LAMA5: variants seen among roughly 807,000 people sequenced by gnomAD.
LAMA5 encodes the protein laminin subunit alpha 5, also known as laminin subunit alpha-5.
A neutral mutation model predicts 433.4 loss-of-function variants in LAMA5; 260 were observed. The observed-to-expected ratio is 0.60, with a 90% confidence interval of 0.54 to 0.66. The LOEUF (loss-of-function observed/expected upper bound fraction) is 0.66, where lower values mean the gene tolerates loss of function less well. Among genes scored for constraint, LAMA5 ranks in the 30% least tolerant of loss-of-function variants. The pLI is 0.00. For synonymous variants in LAMA5, 2,620 were observed against 2,226.6 expected (o/e 1.18, Z -4.97); for missense variants, 5,378 against 5,258.5 (o/e 1.02, Z -0.70).
intron 1 of LAMA5, 137 bp from the exon 2 acceptor site, chr20:62,362,689 A>G: frequency 1.4e-6 from 1 of 698,760 alleles, no homozygotes; most frequent in Non-Finnish European, 2.1e-6. Context: ...CCCCTCATCC[A>G]CTTGCTCAGC....
intron 29 of LAMA5, 29 bp downstream of exon 29, chr20:62,331,003 C>G (rs1005212355): frequency 6.3e-7 from 1 of 1,580,698 alleles, no homozygotes; most frequent in African/African-American, 1.4e-5. Context: ...CTCGGCCGCG[C>G]CCCTCCCAGC....
intron 72 of LAMA5, 35 bp from the exon 73 acceptor site, chr20:62,311,342 AC>A: frequency 6.6e-7 from 1 of 1,524,216 alleles, no homozygotes; most frequent in Non-Finnish European, 8.8e-7. Context: ...GGGGCCGCCC[AC>A]ACAGGGGCCA....
chr20:62,346,189 C>T lies in LAMA5; in HGVS notation c.1309G>A (p.Asp437Asn). 6.2e-7 allele frequency: 1 copy of T among 1,612,448 alleles called. No homozygotes were observed. Residue 437 changes from aspartate to asparagine, a missense_variant, in exon 10 of 80, where the codon GAT (aspartate) becomes AAT (asparagine). By Grantham distance (23) the Asp-to-Asn change is conservative. Coordinates refer to ENST00000252999, the MANE Select transcript of LAMA5 (RefSeq NM_005560.6). ...CCCGTCAGGTCCTCGCAGGTGCCATCCGTGAAGTCGGACTCGCAGTTGCAG... is the reference window on the plus strand; with the variant it reads ...CCCGTCAGGTCCTCGCAGGTGCCATTCGTGAAGTCGGACTCGCAGTTGCAG... ...RRCNCESDFT[D>N]GTCEDLTGRC...
At chr20:62,353,874 G>A (rs956089432) in intron 2 of LAMA5, among the ~76,000 whole-genome samples, 6 of 152,160 alleles carry the variant, frequency 3.9e-5, no homozygotes, top group East Asian at 3.9e-4. Context: ...GGACTGGGCT[G>A]CAGGGAGCAA....
In LAMA5 at chr20:62,313,706, G is replaced by A; in HGVS notation, c.8601C>T (p.Leu2867=). 1 of 1,612,880 alleles carries A rather than the reference G, an allele frequency of 6.2e-7. No individual in the cohort carries two copies. Among genetic ancestry groups the A allele is most frequent in the Non-Finnish European group, 8.5e-7 (1 of 1,179,966 alleles). ...DTVAPGAEGL[L]NLRPDDFVFY... is the part of the protein sequence containing the mutation. The stretch of plus-strand genomic sequence containing the variant: ...AGACGAAGTCGTCTGGCCGCAGGTT[G>A]AGCAGCCCCTCTGCCCCAGGGGCCA... The change falls in exon 63 of 80, where the codon CTC becomes CTT. Residue 2867 remains leucine (L), a synonymous_variant. Transcript: ENST00000252999.
Position 62,324,283 on chromosome 20 carries a change from G to A in LAMA5, c.5644-79C>T, listed in dbSNP as rs1978866021. 2 of 1,535,718 alleles carry A rather than the reference G, an allele frequency of 1.3e-6. No homozygotes were observed. The highest frequency in any genetic ancestry group is 1.8e-6 in the Non-Finnish European group (2 of 1,138,848). ...AGTCTGTGCAGCTCCCACCACCCCT[G>A]CCTCAGACTCTGTGCCCAAGGCCAG... On this transcript the variant is annotated intron_variant, in intron 42 of 79. Coordinates refer to ENST00000252999, the MANE Select transcript of LAMA5 (RefSeq NM_005560.6). The surrounding 1 kb of genome is among the most constrained non-coding windows in gnomAD (Gnocchi z 4.4).
Position 62,332,353 on chromosome 20 carries a change from G to A in LAMA5, c.3552+19C>T, listed in dbSNP as rs1007932239. 13 of 1,542,066 alleles carry A rather than the reference G, an allele frequency of 8.4e-6. No individual in the cohort carries two copies. Among genetic ancestry groups the A allele is most frequent in the Non-Finnish European group, 1.2e-5 (13 of 1,115,700 alleles). ...GAAAGAAGCTGACCCCTTGGGGTGG[G>A]GACCTGAGGGGTCCTTACCAGGAAG... is the stretch of plus-strand genomic sequence containing the variant. On this transcript the variant is annotated intron_variant, in intron 28 of 79. Coordinates refer to ENST00000252999, the MANE Select transcript of LAMA5 (RefSeq NM_005560.6).
rs1197362711 is a variant in LAMA5, at chr20:62,313,136, C to T, written c.8907G>A (p.Glu2969=). The T allele has an allele frequency of 6.2e-7, 1 of 1,608,294 alleles. No individual in the cohort carries two copies. The highest frequency in any genetic ancestry group is 1.7e-4 in the Middle Eastern group (1 of 6,060). The part of the protein sequence containing the change: ...QISTTKRFEQ[E]LRLVSYSGVL... Reference sequence around the variant, plus strand: ...CCCCGCTGTAGGACACGAGCCGCAGCTCCTGCTCGAAGCGCTTGGTGGTGC... The same window carrying T: ...CCCCGCTGTAGGACACGAGCCGCAGTTCCTGCTCGAAGCGCTTGGTGGTGC... The change falls in exon 65 of 80, where the codon GAG becomes GAA. Residue 2969 remains glutamate (E), a synonymous_variant. Coordinates refer to ENST00000252999, the MANE Select transcript of LAMA5 (RefSeq NM_005560.6).
Position 62,320,737 on chromosome 20 carries a change from AC to A in LAMA5, c.6648+1del. On this transcript the variant is annotated splice_donor_variant, in intron 49 of 79. Coordinates refer to ENST00000252999, the MANE Select transcript of LAMA5 (RefSeq NM_005560.6). LOFTEE classifies it high-confidence loss of function. ...GGGAGGGAAGGCCAGGACGCTCAGT[AC>A]CTGCAGGTCAGCGATGGAGGCGTTC... is the stretch of plus-strand genomic sequence containing the variant. 5 of 1,612,568 alleles carry A rather than the reference AC, an allele frequency of 3.1e-6. No individual in the cohort carries two copies. Among genetic ancestry groups the A allele is most frequent in the Non-Finnish European group, 4.2e-6 (5 of 1,179,882 alleles).
chr20:62,336,672 G>C (rs561002907), intron 17 of LAMA5, 62 bp downstream of exon 17: 12 of 1,583,346 alleles, frequency 7.6e-6, no homozygotes, highest in African/African-American at 1.3e-5. Context: ...CACCGGACTC[G>C]GGACTTTTAG....
chr20:62,334,801 C>T (rs902393261), intron 20 of LAMA5, among the ~76,000 whole-genome samples, 180 bp from the exon 21 acceptor site: 1 of 92,068 alleles, frequency 1.1e-5, no homozygotes, highest in Non-Finnish European at 2.8e-5. Context: ...CTGTTAGTGC[C>T]GTCTGCCCAG....
At position 62,367,287 on chromosome 20, in the gene LAMA5, G is replaced by A. The variant is rs911952030; in HGVS notation, c.-42C>T. The A allele has an allele frequency of 7.9e-6, 9 of 1,136,410 alleles. No individual in the cohort carries two copies. Among genetic ancestry groups the A allele is most frequent in the Non-Finnish European group, 6.5e-6 (6 of 927,110 alleles). The allele number at this position is 1,136,410 out of a possible 1,614,324, so 70.4% of individuals were successfully genotyped here. Reference sequence around the variant, plus strand: ...CGCGTCCCCGAGCTCCAGGGACAGCGCGCGCGGCGGGAGCCCGGCGGGTCT... The same window carrying A: ...CGCGTCCCCGAGCTCCAGGGACAGCACGCGCGGCGGGAGCCCGGCGGGTCT... On this transcript the variant is annotated 5_prime_UTR_variant, in exon 1 of 80. Transcript: ENST00000252999.
chr20:62,339,227 GTTTCTT>G (rs1404036016), intron 11 of LAMA5, among the ~76,000 whole-genome samples: 11 of 125,520 alleles, frequency 8.8e-5, no homozygotes, highest in Admixed American at 7.8e-4. Context: ...ACAAATTATA[GTTTCTT>G]TTTTTTTTTT....
rs748356543 is a variant in LAMA5 at position 62,329,242 on chromosome 20, G to A, written c.4131C>T (p.Leu1377=). The A allele has an allele frequency of 1.2e-5, 19 of 1,611,482 alleles. No homozygotes were observed. Among genetic ancestry groups the A allele is most frequent in the African/African-American group, 2.7e-5 (2 of 74,890 alleles). Residue 1377 remains leucine, a synonymous_variant, in exon 33 of 80, where the codon CTC becomes CTT. Coordinates refer to ENST00000252999, the MANE Select transcript of LAMA5 (RefSeq NM_005560.6). The part of the protein sequence containing the change: ...KGRWLWLDYV[L]VVPENVYSFG... ...AGCTGTAGACGTTCTCAGGGACCAC[G>A]AGTACATAATCCTAGGGGGTGAGGC...
intron 2 of LAMA5, among the ~76,000 whole-genome samples, chr20:62,361,453 G>T (rs1986122481): frequency 6.6e-6 from 1 of 152,114 alleles, no homozygotes; most frequent in Admixed American, 6.5e-5. Context: ...GCTGCCAAAG[G>T]TGCCTGCCCC....
intron 28 of LAMA5, among the ~76,000 whole-genome samples, chr20:62,332,062 A>AG (rs570627492): frequency 5.1e-4 from 78 of 152,138 alleles, no homozygotes; most frequent in African/African-American, 1.8e-3. Context: ...AAAAAAAAAA[A>AG]AAAAGAAAAG....
intron 55 of LAMA5, 45 bp downstream of exon 55, chr20:62,317,300 C>T (rs1307401333): frequency 1.3e-6 from 2 of 1,533,126 alleles, no homozygotes; most frequent in Admixed American, 2.0e-5. Flanking sequence ...GCCCTGTCTG[C>T]ATCCCCAGGG....
At chr20:62,327,115 C>G in intron 38 of LAMA5, 118 bp downstream of exon 38, 1 of 1,166,188 alleles carries the variant, frequency 8.6e-7, no homozygotes, top group Non-Finnish European at 1.2e-6. Context: ...GCCTGGGCAC[C>G]CTCACGGACC....
At position 62,332,822 on chromosome 20, in the gene LAMA5, C is replaced by T; in HGVS notation, c.3283-105G>A. 37 of 1,403,372 alleles carry T rather than the reference C, an allele frequency of 2.6e-5. No homozygotes were observed. In the South Asian group the frequency reaches 2.7e-4, roughly 10 times the overall value. 86.9% of individuals were successfully genotyped at this position (1,403,372 alleles called of 1,614,324 possible). A position where few individuals can be genotyped will look rare whatever the true frequency, so the allele number is the denominator to read the frequency against. ...CTGACCCCAGGGCCTGCCCTTCAGC[C>T]GAGTCCCACCCTGGCCCGGACATCT... On this transcript the variant is annotated intron_variant, in intron 26 of 79. Coordinates refer to ENST00000252999, the MANE Select transcript of LAMA5 (RefSeq NM_005560.6).
Sources: allele counts gnomAD v4.1 joint callset (sites outside exome capture counted in the v4.1 genomes callset), GRCh38; gene constraint gnomAD v4.1.1; non-coding constraint Gnocchi (gnomAD v3.1); transcripts MANE v1.5; gene names NCBI Gene and HGNC (gene_info 2026-07-23, HGNC 2026-07-21).